KIAA0825: variants seen among roughly 807,000 people sequenced by gnomAD.
KIAA0825 encodes the protein KIAA0825.
KIAA0825 carries 119 observed loss-of-function variants against 147.6 expected under a neutral mutation model. The ratio of observed to expected loss-of-function variants is 0.81; its 90% confidence interval spans 0.69 to 0.94. KIAA0825 has a LOEUF of 0.94. Among genes scored for constraint, KIAA0825 ranks in the 40% least tolerant of loss-of-function variants. KIAA0825 has a pLI of 0.00. For missense variants in KIAA0825, 1,381 were observed against 1,472.7 expected (o/e 0.94, Z 1.02); for synonymous variants, 470 against 518.1 (o/e 0.91, Z 1.26).
intron 3 of KIAA0825, among the ~76,000 whole-genome samples, chr5:94,525,159 A>C (rs1023678641): frequency 6.6e-6 from 1 of 151,912 alleles, no homozygotes; most frequent in Admixed American, 6.6e-5. Flanking sequence ...AATCATATTA[A>C]GAAAGATTTG....
intron 13 of KIAA0825, among the ~76,000 whole-genome samples, chr5:94,452,120 C>T (rs956520982): frequency 2.6e-5 from 4 of 152,040 alleles, no homozygotes; most frequent in Non-Finnish European, 5.9e-5. Context: ...CATTGAGGTC[C>T]TTGAAGATGG....
rs1748859219 is a variant in KIAA0825, at chr5:94,384,386, C to T, written c.3692G>A (p.Ser1231Asn). The change falls in exon 20 of 21, where the codon AGT becomes AAT. Residue 1231 changes from serine (S) to asparagine (N), a missense_variant. Physicochemically the swap from Ser to Asn is conservative, Grantham distance 46. Coordinates refer to ENST00000682413, the MANE Select transcript of KIAA0825 (RefSeq NM_001145678.3). ...NYLRLDKMTF[S>N]VLLKNRWEMK... The stretch of plus-strand genomic sequence containing the variant: ...TTATTACCTGTTTTTGAGCAGCACA[C>T]TGAAGGTCATCTTATCCAGTCTCAG... 6.4e-7 allele frequency: 1 copy of T among 1,551,910 alleles called. No individual in the cohort carries two copies. The highest frequency in any genetic ancestry group is 2.4e-5 in the East Asian group (1 of 40,910).
intron 20 of KIAA0825, among the ~76,000 whole-genome samples, chr5:94,167,954 T>G (rs1402801891): frequency 6.6e-6 from 1 of 151,324 alleles, no homozygotes; most frequent in East Asian, 1.9e-4. Context: ...GTTTATTTGT[T>G]TATTTTACAA....
At position 94,258,061 on chromosome 5, in the gene KIAA0825, T is replaced by G. The variant is rs149591337; in HGVS notation, c.3711-103937A>C. Among the ~76,000 whole-genome samples, 799 of 152,166 alleles carry G rather than the reference T, an allele frequency of 5.3e-3. 4 individuals are homozygous for G. The highest frequency in any genetic ancestry group is 0.019 in the African/African-American group (775 of 41,578). On this transcript the variant is annotated intron_variant, in intron 20 of 20. Coordinates refer to ENST00000682413, the MANE Select transcript of KIAA0825 (RefSeq NM_001145678.3). Reference sequence around the variant, plus strand: ...ATGATGTTAAAATGAATAACAGCTTTCTTTATTGTCCTTTAAAAATCAGTA... The same window carrying G: ...ATGATGTTAAAATGAATAACAGCTTGCTTTATTGTCCTTTAAAAATCAGTA...
intron 20 of KIAA0825, among the ~76,000 whole-genome samples, chr5:94,221,772 A>T: frequency 6.6e-6 from 1 of 152,168 alleles, no homozygotes. Context: ...TCCTCCTGTT[A>T]TTGGAGGAAC....
chr5:94,294,397 T>G (rs1298184210), intron 20 of KIAA0825, among the ~76,000 whole-genome samples: 1 of 152,246 alleles, frequency 6.6e-6, no homozygotes, highest in Non-Finnish European at 1.5e-5. Flanking sequence ...AAGCTTAGTT[T>G]AGCTGGATAT....
At chr5:94,241,381 A>G (rs1264165023) in intron 20 of KIAA0825, among the ~76,000 whole-genome samples, 1 of 152,314 alleles carries the variant, frequency 6.6e-6, no homozygotes, top group East Asian at 1.9e-4. Context: ...AAGCCTTCAC[A>G]TCACGACAGG....
At chr5:94,358,211 T>A (rs886619720) in intron 20 of KIAA0825, among the ~76,000 whole-genome samples, 2 of 152,210 alleles carry the variant, frequency 1.3e-5, no homozygotes, top group South Asian at 4.1e-4. Flanking sequence ...CTGCAACTGC[T>A]TTTTCCCCAA....
At chr5:94,439,585 C>A (rs1584494886) in intron 14 of KIAA0825, among the ~76,000 whole-genome samples, 1 of 152,084 alleles carries the variant, frequency 6.6e-6, no homozygotes, top group African/African-American at 2.4e-5. Flanking sequence ...CTGAAATTCC[C>A]AGTGTTAATC....
intron 20 of KIAA0825, among the ~76,000 whole-genome samples, chr5:94,281,684 C>A (rs1777473400): frequency 6.6e-6 from 1 of 152,080 alleles, no homozygotes; most frequent in Non-Finnish European, 1.5e-5. Context: ...CCAGTAGCAA[C>A]CCCTCCTCTT....
intron 13 of KIAA0825, among the ~76,000 whole-genome samples, chr5:94,451,059 G>A (rs987257831): frequency 2.0e-5 from 3 of 152,104 alleles, no homozygotes; most frequent in Non-Finnish European, 4.4e-5. Flanking sequence ...ACTAGTATGA[G>A]GTTTTAAAAA....
At chr5:94,388,537 A>G (rs2150547243) in intron 18 of KIAA0825, among the ~76,000 whole-genome samples, 1 of 152,358 alleles carries the variant, frequency 6.6e-6, no homozygotes, top group African/African-American at 2.4e-5. Flanking sequence ...AAAATTTTTA[A>G]AAGGAATACT....
chr5:94,546,576 A>C (rs1584849534), intron 2 of KIAA0825, among the ~76,000 whole-genome samples: 1 of 151,990 alleles, frequency 6.6e-6, no homozygotes, highest in East Asian at 1.9e-4. Context: ...AGGGAGGAGA[A>C]CATGAGTCTC....
intron 20 of KIAA0825, among the ~76,000 whole-genome samples, chr5:94,235,122 C>G (rs1774970264): frequency 6.6e-6 from 1 of 151,980 alleles, no homozygotes; most frequent in South Asian, 2.1e-4. Context: ...AACTTTAAAT[C>G]AAAAGCTAGA....
At chr5:94,200,157 G>A (rs561332058) in intron 20 of KIAA0825, among the ~76,000 whole-genome samples, 1 of 152,260 alleles carries the variant, frequency 6.6e-6, no homozygotes, top group East Asian at 1.9e-4. Flanking sequence ...TTCTGTCTCT[G>A]CCAACTCTCT....
At chr5:94,564,457 A>AGTGTGTGT (rs372092487) in intron 2 of KIAA0825, among the ~76,000 whole-genome samples, 26 of 14,982 alleles carry the variant, frequency 1.7e-3, no homozygotes, top group African/African-American at 8.3e-3. Context: ...CTTATTTTTG[A>AGTGTGTGT]GTGTGTGTGT....
rs542959255 is a variant in KIAA0825 at position 94,600,575 on chromosome 5, A to G, written c.-153+17925T>C. 2.4e-4 allele frequency among the ~76,000 whole-genome samples: 37 copies of G among 152,268 alleles called. No individual in the cohort carries two copies. In the South Asian group the frequency reaches 7.5e-3, roughly 31 times the overall value. The stretch of plus-strand genomic sequence containing the variant: ...TTTCTTTCTCCAATATATATTTAGT[A>G]TTACCACCATAACTTGATTATGCCT... On this transcript the variant is annotated intron_variant, in intron 1 of 20. Coordinates refer to ENST00000682413, the MANE Select transcript of KIAA0825 (RefSeq NM_001145678.3).
intron 20 of KIAA0825, among the ~76,000 whole-genome samples, chr5:94,281,526 T>C (rs898521588): frequency 2.0e-5 from 3 of 152,100 alleles, no homozygotes; most frequent in Non-Finnish European, 4.4e-5. Flanking sequence ...CCTAGGTGAT[T>C]GTGCTGTGCA....
chr5:94,454,306 C>A (rs1758806619), intron 12 of KIAA0825, among the ~76,000 whole-genome samples: 1 of 152,116 alleles, frequency 6.6e-6, no homozygotes, highest in Non-Finnish European at 1.5e-5. Flanking sequence ...TTTTGATATC[C>A]AGAACAGATT....
Sources: allele counts gnomAD v4.1 joint callset (sites outside exome capture counted in the v4.1 genomes callset), GRCh38; gene constraint gnomAD v4.1.1; transcripts MANE v1.5; gene names NCBI Gene and HGNC (gene_info 2026-07-23, HGNC 2026-07-21).